The following CDYL2 variants were observed in gnomAD, a reference collection of about 807,000 sequenced individuals.
The protein encoded by CDYL2 is chromodomain Y like 2.
CDYL2 carries 23 observed loss-of-function variants against 49.4 expected under a neutral mutation model. The observed-to-expected ratio is 0.47, with a 90% confidence interval of 0.34 to 0.66. CDYL2 has a LOEUF of 0.66. CDYL2 is among the 30% of genes least tolerant of loss of function. CDYL2 has a pLI of 0.01. For synonymous variants in CDYL2, 360 were observed against 268.8 expected (o/e 1.34, Z -3.32); for missense variants, 678 against 656.4 (o/e 1.03, Z -0.36).
At chr16:80,652,655 C>T (rs1177829261) in intron 2 of CDYL2, among the ~76,000 whole-genome samples, 5 of 152,172 alleles carry the variant, frequency 3.3e-5, no homozygotes, top group Non-Finnish European at 5.9e-5. Context: ...ACGCATACCT[C>T]AGCCAGGTGG....
At chr16:80,803,687 C>T (rs1331566276) in intron 1 of CDYL2, among the ~76,000 whole-genome samples, 1 of 136,918 alleles carries the variant, frequency 7.3e-6, no homozygotes, top group East Asian at 2.3e-4. Context: ...GCGCCCCCGG[C>T]CCAGCCGGGC....
intron 1 of CDYL2, among the ~76,000 whole-genome samples, chr16:80,689,421 C>T (rs1306639538): frequency 6.6e-6 from 1 of 152,178 alleles, no homozygotes; most frequent in Non-Finnish European, 1.5e-5. Context: ...GCCCAGCTTT[C>T]CAGCTGGACA....
At chr16:80,668,567 C>T (rs11643528) in intron 2 of CDYL2, among the ~76,000 whole-genome samples, 4,094 of 151,864 alleles carry the variant, frequency 0.027, 77 homozygotes, top group Non-Finnish European at 0.042. Flanking sequence ...CATAAGGAAA[C>T]ATTAACAGAA....
intron 2 of CDYL2, among the ~76,000 whole-genome samples, chr16:80,671,287 C>T (rs1909493116): frequency 6.6e-6 from 1 of 152,144 alleles, no homozygotes; most frequent in African/African-American, 2.4e-5. Context: ...CAGAGGAAGG[C>T]CAGAGTGGCT....
intron 1 of CDYL2, among the ~76,000 whole-genome samples, chr16:80,801,798 G>A (rs1907935257): frequency 6.6e-6 from 1 of 152,048 alleles, no homozygotes. Flanking sequence ...AAATATATAT[G>A]CTAATGTACA....
chr16:80,669,358 A>G (rs1414322826), intron 2 of CDYL2, among the ~76,000 whole-genome samples: 2 of 152,080 alleles, frequency 1.3e-5, no homozygotes, highest in Admixed American at 1.3e-4. Context: ...CGGACCATGG[A>G]AAGTGGCTCT....
intron 2 of CDYL2, among the ~76,000 whole-genome samples, chr16:80,651,168 T>C (rs923892267): frequency 6.6e-6 from 1 of 152,214 alleles, no homozygotes; most frequent in African/African-American, 2.4e-5. Context: ...CCATTTTCTA[T>C]GATGTGATTA....
chr16:80,600,551 T>C lies in CDYL2; in HGVS notation c.*3837A>G, dbSNP rs1906036948. On this transcript the variant is annotated 3_prime_UTR_variant, in exon 7 of 7. Coordinates refer to ENST00000570137, the MANE Select transcript of CDYL2 (RefSeq NM_152342.4). ...ACCATTTACAGAGAATAAAATAAAATACTTAAGAAATCTCATTTAGAGTCT... is the reference window on the plus strand; with the variant it reads ...ACCATTTACAGAGAATAAAATAAAACACTTAAGAAATCTCATTTAGAGTCT... 6.6e-6 allele frequency: 1 copy of C among 152,144 alleles called. No individual in the cohort carries two copies. Among genetic ancestry groups the C allele is most frequent in the African/African-American group, 2.4e-5 (1 of 41,446 alleles). The allele number at this position is 152,144 out of a possible 1,614,324, so 9.4% of individuals were successfully genotyped here.
chr16:80,714,817 G>C (rs1366012593), intron 1 of CDYL2, among the ~76,000 whole-genome samples: 1 of 152,154 alleles, frequency 6.6e-6, no homozygotes, highest in Non-Finnish European at 1.5e-5. Flanking sequence ...CTACCAACGT[G>C]TTTCACCAAA....
At chr16:80,681,032 A>C (rs1336646514) in intron 2 of CDYL2, among the ~76,000 whole-genome samples, 1 of 152,210 alleles carries the variant, frequency 6.6e-6, no homozygotes, top group Non-Finnish European at 1.5e-5. Flanking sequence ...GAAAAAGCGC[A>C]GTCTGAAACC....
At chr16:80,662,792 T>A (rs1249105937) in intron 2 of CDYL2, 1 of 455,182 alleles carries the variant, frequency 2.2e-6, no homozygotes, top group Admixed American at 2.4e-5. Context: ...GGAATCACAC[T>A]GTAGGAAAAT....
chr16:80,677,614 C>A (rs999302325), intron 2 of CDYL2, among the ~76,000 whole-genome samples: 1 of 152,030 alleles, frequency 6.6e-6, no homozygotes, highest in African/African-American at 2.4e-5. Context: ...TGGCAGGCGC[C>A]TGTAGTCCCA....
chr16:80,612,756 G>A lies in CDYL2; in HGVS notation c.1088C>T (p.Ser363Phe), dbSNP rs952975359. 3 of 1,613,700 alleles carry A rather than the reference G, an allele frequency of 1.9e-6. No homozygotes were observed. Among genetic ancestry groups the A allele is most frequent in the Non-Finnish European group, 2.5e-6 (3 of 1,180,016 alleles). ...INGPALGLGA[S>F]ILPLCDIVWA... ...CACGATGTCACAGAGGGGCAGGATGGAGGCACCCAGGCCCAGGGCCGGCCC... is the reference window on the plus strand; with the variant it reads ...CACGATGTCACAGAGGGGCAGGATGAAGGCACCCAGGCCCAGGGCCGGCCC... The change falls in exon 5 of 7, where the codon TCC (serine) becomes TTC (phenylalanine). Residue 363 changes from serine (S) to phenylalanine (F), a missense_variant. By Grantham distance (155) the Ser-to-Phe change is radical. Around this residue, in one of 3 missense-constraint regions of CDYL2, gnomAD observed 47 missense variants for 78.8 expected, o/e 0.60. Transcript: ENST00000570137. This position sits in a 1 kb window ranked among gnomAD's most constrained non-coding sequence, Gnocchi z 5.0.
rs1343192802 is a variant in CDYL2 at position 80,626,298 on chromosome 16, G to GA, written c.835-5364dup. 6.8e-3 allele frequency among the ~76,000 whole-genome samples: 931 copies of GA among 137,888 alleles called. 21 individuals are homozygous for GA. The highest frequency in any genetic ancestry group is 0.024 in the African/African-American group (882 of 36,334). 90.5% of individuals were successfully genotyped at this position (137,888 alleles called of 152,430 possible). ...TCTAAAAAAAAAAAAAAAAAAAAAG[G>GA]AAAAAATTGGTGAATGTGTTGTTAA... On this transcript the variant is annotated intron_variant, in intron 3 of 6. Transcript: ENST00000570137.
At chr16:80,779,141 G>C (rs1415884059) in intron 1 of CDYL2, among the ~76,000 whole-genome samples, 4 of 151,932 alleles carry the variant, frequency 2.6e-5, no homozygotes, top group Non-Finnish European at 5.9e-5. Flanking sequence ...AGTGAGATGA[G>C]AAAGAAGCAC....
intron 1 of CDYL2, chr16:80,736,450 A>C (rs1221860072): frequency 6.6e-6 from 1 of 152,226 alleles, no homozygotes; most frequent in African/African-American, 2.4e-5. Context: ...GACAGTGAGC[A>C]AGAGAGGTAC....
At chr16:80,649,679 C>G (rs747104255) in intron 2 of CDYL2, among the ~76,000 whole-genome samples, 1 of 152,080 alleles carries the variant, frequency 6.6e-6, no homozygotes. Flanking sequence ...GCAAAAAGAA[C>G]AAAATTGCAG....
intron 1 of CDYL2, among the ~76,000 whole-genome samples, chr16:80,734,378 C>T (rs773101729): frequency 3.3e-5 from 5 of 152,042 alleles, no homozygotes; most frequent in South Asian, 2.1e-4. Flanking sequence ...TCCATAGGCA[C>T]GAGGTTGAGA....
chr16:80,641,740 A>C (rs58523682), intron 2 of CDYL2, among the ~76,000 whole-genome samples: 6,878 of 107,502 alleles, frequency 0.064, 650 homozygotes, highest in African/African-American at 0.23. Context: ...CACTCTGGGG[A>C]CTGTTGTGGG....
Sources: gnomAD v4.1 joint callset for allele counts (sites outside exome capture counted in the v4.1 genomes callset) on GRCh38, gnomAD v4.1.1 for gene constraint, gnomAD v4.1.1 regional missense constraint, Gnocchi (gnomAD v3.1) non-coding constraint, MANE v1.5 for transcripts, NCBI Gene and HGNC (gene_info 2026-07-23, HGNC 2026-07-21) for gene names.